The following EML5 variants were observed in gnomAD, a reference collection of about 807,000 sequenced individuals.
EML5 encodes EMAP like 5, also known as echinoderm microtubule-associated protein-like 5.
EML5 carries 120 observed loss-of-function variants against 250.0 expected under a neutral mutation model. The ratio of observed to expected loss-of-function variants is 0.48; its 90% confidence interval spans 0.41 to 0.56. The LOEUF is 0.56. Ranked by LOEUF, EML5 falls within the 20% of genes least tolerant of loss-of-function variation. EML5 has a pLI of 0.00. For synonymous variants in EML5, 771 were observed against 806.5 expected (o/e 0.96, Z 0.75); for missense variants, 2,006 against 2,437.6 (o/e 0.82, Z 3.73).
chr14:88,633,388 T>C (rs2090545874), intron 33 of EML5, among the ~76,000 whole-genome samples: 1 of 151,874 alleles, frequency 6.6e-6, no homozygotes, highest in Non-Finnish European at 1.5e-5. Context: ...AGTGCTCGGA[T>C]TACAGGTGTG....
intron 33 of EML5, among the ~76,000 whole-genome samples, chr14:88,628,137 T>C (rs1357912348): frequency 6.6e-6 from 1 of 152,202 alleles, no homozygotes; most frequent in East Asian, 1.9e-4. Context: ...ATGTTTTATG[T>C]ATACTTTTAA....
intron 37 of EML5, 75 bp from the exon 38 acceptor site, chr14:88,621,376 C>T (rs1385343681): frequency 6.4e-7 from 1 of 1,558,322 alleles, no homozygotes; most frequent in Non-Finnish European, 8.8e-7. Flanking sequence ...TAAAAATGAC[C>T]CTATTGACCT....
chr14:88,669,395 C>T (rs896708157), intron 21 of EML5, among the ~76,000 whole-genome samples: 5 of 152,180 alleles, frequency 3.3e-5, no homozygotes, highest in Admixed American at 3.3e-4. Flanking sequence ...TGCCATTTCT[C>T]CTCTGATGGT....
At chr14:88,655,549 T>A (rs749740330) in intron 27 of EML5, among the ~76,000 whole-genome samples, 1 of 152,152 alleles carries the variant, frequency 6.6e-6, no homozygotes, top group Non-Finnish European at 1.5e-5. Flanking sequence ...GCTAATACCA[T>A]TCAGGACTTG....
intron 17 of EML5, among the ~76,000 whole-genome samples, 169 bp downstream of exon 17, chr14:88,694,138 T>A (rs1181223591): frequency 6.6e-6 from 1 of 152,102 alleles, no homozygotes; most frequent in Admixed American, 6.5e-5. Flanking sequence ...ATTTGATACA[T>A]TATTATTAAA....
intron 3 of EML5, among the ~76,000 whole-genome samples, chr14:88,745,836 T>C (rs902943962): frequency 6.6e-6 from 1 of 152,152 alleles, no homozygotes; most frequent in African/African-American, 2.4e-5. Flanking sequence ...ATACCTAATG[T>C]AGATGATGGG....
intron 2 of EML5, 42 bp from the exon 3 acceptor site, chr14:88,746,325 A>C: frequency 2.0e-6 from 3 of 1,517,540 alleles, no homozygotes; most frequent in Non-Finnish European, 2.7e-6. Flanking sequence ...TAAAAAGGCA[A>C]ACAAATCAAA....
intron 23 of EML5, among the ~76,000 whole-genome samples, chr14:88,664,256 G>A (rs769101221): frequency 2.2e-5 from 3 of 135,422 alleles, no homozygotes; most frequent in Non-Finnish European, 4.5e-5. Context: ...CAGCCTGGGT[G>A]ACAGAGTGAG....
intron 1 of EML5, among the ~76,000 whole-genome samples, chr14:88,758,485 G>A (rs1210894650): frequency 1.3e-5 from 2 of 152,224 alleles, no homozygotes; most frequent in East Asian, 1.9e-4. Flanking sequence ...ATGAGCCACC[G>A]CGCCTGGCCC....
chr14:88,788,434 T>C (rs1451211265), intron 1 of EML5, among the ~76,000 whole-genome samples: 1 of 152,188 alleles, frequency 6.6e-6, no homozygotes, highest in Non-Finnish European at 1.5e-5. Flanking sequence ...TGAACAGTTA[T>C]TATTTTAACC....
At chr14:88,682,994 A>G (rs1047967481) in intron 20 of EML5, among the ~76,000 whole-genome samples, 1 of 148,176 alleles carries the variant, frequency 6.7e-6, no homozygotes, top group Non-Finnish European at 1.5e-5. Context: ...ATAGCTCCTA[A>G]TCTCTTCTCA....
Position 88,625,055 on chromosome 14 carries a change from C to T in EML5, c.4813G>A (p.Val1605Met), listed in dbSNP as rs759632461. The T allele has an allele frequency of 3.7e-6, 6 of 1,613,016 alleles. No homozygotes were observed. Among genetic ancestry groups the T allele is most frequent in the South Asian group, 3.3e-5 (3 of 90,988 alleles). The change falls in exon 36 of 44, where the codon GTG (valine) becomes ATG (methionine). Residue 1605 changes from valine (V) to methionine (M), a missense_variant. By Grantham distance (21) the Val-to-Met change is conservative. Transcript: ENST00000554922. ...ACAGGCCCGTTGTGAGCTCTCGCCACGATTCTACACAATATGTGATCTTTC... is the reference window on the plus strand; with the variant it reads ...ACAGGCCCGTTGTGAGCTCTCGCCATGATTCTACACAATATGTGATCTTTC... ...VWKDHILCRI[V>M]ARAHNGPVFA...
At chr14:88,698,523 C>T (rs551883327) in intron 14 of EML5, among the ~76,000 whole-genome samples, 6 of 152,202 alleles carry the variant, frequency 3.9e-5, no homozygotes, top group African/African-American at 1.4e-4. Context: ...CCTCAGTTTT[C>T]GAAAGTGCTA....
chr14:88,613,154 T>G lies in EML5; in HGVS notation c.*2664A>C, dbSNP rs2087067854. ...CCAGTCATTAAACCATTTGGTAAGTTGCACTTTGCTGTGCTGATCCCACAG... is the reference window on the plus strand; with the variant it reads ...CCAGTCATTAAACCATTTGGTAAGTGGCACTTTGCTGTGCTGATCCCACAG... On this transcript the variant is annotated 3_prime_UTR_variant, in exon 44 of 44. Coordinates refer to ENST00000554922, the MANE Select transcript of EML5 (RefSeq NM_183387.3). The G allele has an allele frequency of 6.6e-6, 1 of 152,198 alleles. No homozygotes were observed. Among genetic ancestry groups the G allele is most frequent in the Admixed American group, 6.5e-5 (1 of 15,276 alleles). 9.4% of individuals were successfully genotyped at this position (152,198 alleles called of 1,614,324 possible).
chr14:88,754,228 G>A (rs1566754394), intron 2 of EML5, among the ~76,000 whole-genome samples: 1 of 152,074 alleles, frequency 6.6e-6, no homozygotes, highest in Non-Finnish European at 1.5e-5. Flanking sequence ...ACCCTATCTG[G>A]AAAAGAGTTA....
chr14:88,698,016 T>C (rs2093120249), intron 14 of EML5, among the ~76,000 whole-genome samples: 1 of 152,088 alleles, frequency 6.6e-6, no homozygotes, highest in Non-Finnish European at 1.5e-5. Context: ...GGATTACAGG[T>C]GTGAGCTACC....
At chr14:88,762,878 A>G (rs2094265844) in intron 1 of EML5, among the ~76,000 whole-genome samples, 1 of 152,240 alleles carries the variant, frequency 6.6e-6, no homozygotes, top group African/African-American at 2.4e-5. Context: ...CCATACAACT[A>G]CACGGAAACT....
At chr14:88,697,119 T>A (rs1366519967) in intron 14 of EML5, among the ~76,000 whole-genome samples, 167 bp from the exon 15 acceptor site, 1 of 152,226 alleles carries the variant, frequency 6.6e-6, no homozygotes, top group African/African-American at 2.4e-5. Context: ...TTTTTTCTTA[T>A]GCTTGTTCAA....
chr14:88,758,934 A>G (rs1382400929), intron 1 of EML5, among the ~76,000 whole-genome samples: 4 of 152,248 alleles, frequency 2.6e-5, no homozygotes, highest in African/African-American at 9.6e-5. Flanking sequence ...TTAATACATT[A>G]TGAAATGTCC....
Sources: gnomAD v4.1 joint callset for allele counts (sites outside exome capture counted in the v4.1 genomes callset) on GRCh38, gnomAD v4.1.1 for gene constraint, MANE v1.5 for transcripts, NCBI Gene and HGNC (gene_info 2026-07-23, HGNC 2026-07-21) for gene names.